PBX3: variants seen among roughly 807,000 people sequenced by gnomAD.
PBX3 encodes pre-B-cell leukemia transcription factor 3.
A neutral mutation model predicts 48.5 loss-of-function variants in PBX3; 14 were observed. The observed-to-expected ratio is 0.29, with a 90% confidence interval of 0.19 to 0.45. The LOEUF (loss-of-function observed/expected upper bound fraction) is 0.45. Ranked by LOEUF, PBX3 falls within the 20% of genes least tolerant of loss-of-function variation. The pLI is 1.00. For missense variants in PBX3, 386 were observed against 546.7 expected (o/e 0.71, Z 2.93); for synonymous variants, 210 against 200.3 (o/e 1.05, Z -0.41).
intron 2 of PBX3, among the ~76,000 whole-genome samples, chr9:125,797,143 T>C (rs953713133): frequency 2.0e-5 from 3 of 152,100 alleles, no homozygotes; most frequent in African/African-American, 7.2e-5. Flanking sequence ...CATTAATATG[T>C]TATATCAAAA....
intron 2 of PBX3, among the ~76,000 whole-genome samples, chr9:125,767,523 A>G (rs930396787): frequency 6.6e-6 from 1 of 152,188 alleles, no homozygotes; most frequent in Non-Finnish European, 1.5e-5. Flanking sequence ...AGTGCAGGAA[A>G]TCTGTTTTTA....
chr9:125,814,640 A>T (rs143432596), intron 2 of PBX3, among the ~76,000 whole-genome samples: 1 of 152,222 alleles, frequency 6.6e-6, no homozygotes, highest in Non-Finnish European at 1.5e-5. Flanking sequence ...AATGAATAAC[A>T]TTCATGATTA....
intron 2 of PBX3, among the ~76,000 whole-genome samples, chr9:125,816,098 G>A (rs1189864792): frequency 6.6e-6 from 1 of 152,030 alleles, no homozygotes; most frequent in Non-Finnish European, 1.5e-5. Flanking sequence ...CCGACTGCCC[G>A]GGCTCAGGTG....
chr9:125,848,014 A>T (rs1255397674), intron 2 of PBX3, among the ~76,000 whole-genome samples: 1 of 151,982 alleles, frequency 6.6e-6, no homozygotes, highest in East Asian at 1.9e-4. Context: ...GGGTAGGCTG[A>T]CCTAGAGTCA....
chr9:125,932,929 T>A (rs778410467), intron 4 of PBX3, among the ~76,000 whole-genome samples: 155 of 152,344 alleles, frequency 1.0e-3, no homozygotes, highest in Non-Finnish European at 1.8e-3. Context: ...AATGTTGTGA[T>A]GCTGATGGAA....
chr9:125,811,558 A>G (rs935403370), intron 2 of PBX3, among the ~76,000 whole-genome samples: 7 of 152,188 alleles, frequency 4.6e-5, no homozygotes, highest in African/African-American at 1.7e-4. Flanking sequence ...TCCTTCTGCC[A>G]TAATTGTAAG....
rs1173547181 is a variant in PBX3 at position 125,966,094 on chromosome 9, T to C, written c.*171T>C. The C allele has an allele frequency of 8.5e-6, 4 of 470,418 alleles. No individual in the cohort carries two copies. Among genetic ancestry groups the C allele is most frequent in the African/African-American group, 4.0e-5 (2 of 50,214 alleles). 29.1% of individuals were successfully genotyped at this position (470,418 alleles called of 1,614,324 possible). ...TTAAGGAATCATAATCATTTGTATT[T>C]ATACTTAAAAACACACAATGTTAAA... On this transcript the variant is annotated 3_prime_UTR_variant, in exon 9 of 9. Transcript: ENST00000373489.
At chr9:125,748,195 C>T (rs1836256679) in intron 1 of PBX3, 1 of 983,910 alleles carries the variant, frequency 1.0e-6, no homozygotes, top group Non-Finnish European at 1.2e-6. Context: ...AGTCGGCCGG[C>T]CTCCTCTGCA....
chr9:125,924,611 A>G (rs746999716), intron 3 of PBX3, among the ~76,000 whole-genome samples: 1 of 152,186 alleles, frequency 6.6e-6, no homozygotes, highest in Non-Finnish European at 1.5e-5. Flanking sequence ...TGCTTTTGTA[A>G]CATCATGCGT....
intron 2 of PBX3, among the ~76,000 whole-genome samples, chr9:125,866,469 T>C (rs1839983205): frequency 6.6e-6 from 1 of 152,212 alleles, no homozygotes; most frequent in Non-Finnish European, 1.5e-5. Flanking sequence ...CTGCTGCCCT[T>C]GTGGGGTTTA....
chr9:125,827,000 C>T (rs546493475), intron 2 of PBX3, among the ~76,000 whole-genome samples: 2 of 152,230 alleles, frequency 1.3e-5, no homozygotes, highest in African/African-American at 4.8e-5. Flanking sequence ...TATGTTTGTA[C>T]CCATTAACCA....
chr9:125,858,351 T>G (rs1839775955), intron 2 of PBX3, among the ~76,000 whole-genome samples: 1 of 152,214 alleles, frequency 6.6e-6, no homozygotes, highest in South Asian at 2.1e-4. Flanking sequence ...TGCTATAATT[T>G]TAAAGCTTAT....
At chr9:125,821,688 G>C (rs1838657416) in intron 2 of PBX3, among the ~76,000 whole-genome samples, 1 of 151,996 alleles carries the variant, frequency 6.6e-6, no homozygotes, top group South Asian at 2.1e-4. Flanking sequence ...TTGTTGCTCT[G>C]GTGGTTCCCC....
intron 2 of PBX3, among the ~76,000 whole-genome samples, chr9:125,800,688 G>A (rs868188261): frequency 6.6e-6 from 1 of 150,430 alleles, no homozygotes; most frequent in Non-Finnish European, 1.5e-5. Context: ...TAATGTATAA[G>A]TTGTATTCTT....
intron 2 of PBX3, among the ~76,000 whole-genome samples, chr9:125,888,992 G>GA (rs2132377025): frequency 6.6e-6 from 1 of 152,204 alleles, no homozygotes; most frequent in South Asian, 2.1e-4. Flanking sequence ...TATGCTTTGG[G>GA]AATTTACTCT....
intron 2 of PBX3, among the ~76,000 whole-genome samples, chr9:125,832,771 T>C (rs1252598114): frequency 6.6e-6 from 1 of 152,202 alleles, no homozygotes; most frequent in Non-Finnish European, 1.5e-5. Context: ...GTTTCATGGC[T>C]TTTAGGACCC....
intron 2 of PBX3, among the ~76,000 whole-genome samples, chr9:125,802,859 A>G (rs1464799735): frequency 6.6e-6 from 1 of 151,404 alleles, no homozygotes; most frequent in Non-Finnish European, 1.5e-5. Flanking sequence ...TTGTACTTTT[A>G]GTAGAGACAA....
chr9:125,757,283 TA>T (rs60669435), intron 2 of PBX3, among the ~76,000 whole-genome samples: 3,078 of 149,684 alleles, frequency 0.021, 169 homozygotes, highest in East Asian at 0.17. Flanking sequence ...TGTTTTTTTT[TA>T]AAAAAAAAAC....
chr9:125,784,183 C>A (rs2132044479), intron 2 of PBX3, among the ~76,000 whole-genome samples: 1 of 152,208 alleles, frequency 6.6e-6, no homozygotes, highest in South Asian at 2.1e-4. Context: ...GGCTGGAGTA[C>A]AGTGGTGCGA....
Sources: gnomAD v4.1 joint callset for allele counts (sites outside exome capture counted in the v4.1 genomes callset) on GRCh38, gnomAD v4.1.1 for gene constraint, MANE v1.5 for transcripts, NCBI Gene and HGNC (gene_info 2026-07-23, HGNC 2026-07-21) for gene names.